RFX4: variants seen among roughly 807,000 people sequenced by gnomAD.
RFX4 encodes transcription factor RFX4.
Under a neutral mutation model 95.0 loss-of-function variants are expected in RFX4, and 10 were observed. The ratio of observed to expected loss-of-function variants is 0.11; its 90% CI spans 0.06 to 0.18. RFX4 has a LOEUF of 0.18. RFX4 is among the 10% of genes least tolerant of loss of function. RFX4 has a pLI of 1.00. For missense variants in RFX4, 640 were observed against 922.0 expected (o/e 0.69, Z 3.96); for synonymous variants, 321 against 340.7 (o/e 0.94, Z 0.64).
intron 15 of RFX4, among the ~76,000 whole-genome samples, chr12:106,737,397 G>T (rs2042731398): frequency 6.6e-6 from 1 of 151,814 alleles, no homozygotes; most frequent in Admixed American, 6.6e-5. Flanking sequence ...AGAGGTTAAG[G>T]TTCTTGATGA....
intron 2 of RFX4, among the ~76,000 whole-genome samples, chr12:106,634,171 C>T (rs1040303767): frequency 6.6e-5 from 10 of 152,198 alleles, no homozygotes; most frequent in African/African-American, 1.9e-4. Flanking sequence ...AAAAGATGAA[C>T]ATGCATTACT....
chr12:106,645,868 G>T (rs1483076462), intron 3 of RFX4: 1 of 1,284,284 alleles, frequency 7.8e-7, no homozygotes, highest in Non-Finnish European at 1.0e-6. Context: ...AACACAACCA[G>T]TGTTGATAGA....
intron 2 of RFX4, among the ~76,000 whole-genome samples, chr12:106,621,544 T>A (rs1249609164): frequency 6.6e-6 from 1 of 152,244 alleles, no homozygotes; most frequent in South Asian, 2.1e-4. Context: ...CAATTAATGA[T>A]TGGCTCTTTA....
At chr12:106,698,495 G>T (rs1460401711) in intron 8 of RFX4, among the ~76,000 whole-genome samples, 5 of 152,168 alleles carry the variant, frequency 3.3e-5, no homozygotes, top group African/African-American at 1.2e-4. Context: ...AGCCTAGTCT[G>T]GTGGTCATAA....
intron 17 of RFX4, among the ~76,000 whole-genome samples, chr12:106,753,752 G>C (rs1593020565): frequency 6.6e-6 from 1 of 152,216 alleles, no homozygotes; most frequent in African/African-American, 2.4e-5. Context: ...TCAGATGCAG[G>C]CATTCACTAA....
At chr12:106,611,847 GT>G (rs1301613812) in intron 2 of RFX4, among the ~76,000 whole-genome samples, 1 of 152,110 alleles carries the variant, frequency 6.6e-6, no homozygotes, top group Non-Finnish European at 1.5e-5. Flanking sequence ...TGGTATCCAG[GT>G]TCCCCAGCAC....
At chr12:106,634,931 C>CA (rs1418088304) in intron 2 of RFX4, among the ~76,000 whole-genome samples, 5 of 152,210 alleles carry the variant, frequency 3.3e-5, no homozygotes, top group African/African-American at 1.2e-4. Flanking sequence ...TCTCTTTTCC[C>CA]AACCAAACTC....
intron 2 of RFX4, among the ~76,000 whole-genome samples, chr12:106,635,485 G>A (rs549228604): frequency 9.2e-5 from 14 of 152,024 alleles, no homozygotes; most frequent in Admixed American, 7.9e-4. Context: ...GCTAATTTTT[G>A]TATTTTTAGT....
chr12:106,642,128 A>G (rs982082721), intron 3 of RFX4, among the ~76,000 whole-genome samples: 1 of 151,920 alleles, frequency 6.6e-6, no homozygotes, highest in Non-Finnish European at 1.5e-5. Flanking sequence ...CTCCTGCTTC[A>G]GCCTGCCGAG....
chr12:106,586,115 C>A lies in RFX4; in HGVS notation c.43+2752C>A, dbSNP rs2039453017. 1 of 152,232 alleles carries A rather than the reference C, an allele frequency of 6.6e-6. No homozygotes were observed. The highest frequency in any genetic ancestry group is 2.4e-5 in the African/African-American group (1 of 41,454). The allele number at this position is 152,232 out of a possible 1,614,324, so 9.4% of individuals were successfully genotyped here. A position where few individuals can be genotyped will look rare whatever the true frequency, so the allele number is the denominator to read the frequency against. On this transcript the variant is annotated intron_variant, in intron 1 of 17. Transcript: ENST00000392842. This position sits in a 1 kb window ranked among gnomAD's most constrained non-coding sequence, Gnocchi z 5.6. ...CGCTGCCGAGCCCGACAAAGCAAAGCCCCTCTCGGAGGCAAAGCCCCAGCT... is the reference window on the plus strand; with the variant it reads ...CGCTGCCGAGCCCGACAAAGCAAAGACCCTCTCGGAGGCAAAGCCCCAGCT...
intron 15 of RFX4, among the ~76,000 whole-genome samples, chr12:106,746,975 A>G (rs1377317373): frequency 1.3e-5 from 2 of 152,134 alleles, no homozygotes; most frequent in Non-Finnish European, 2.9e-5. Flanking sequence ...GGTGGCCAAA[A>G]TAGGCCAGGC....
chr12:106,644,230 C>CTT (rs756140160), intron 3 of RFX4, among the ~76,000 whole-genome samples: 200 of 128,372 alleles, frequency 1.6e-3, no homozygotes, highest in Non-Finnish European at 2.0e-3. Flanking sequence ...GCCATTTCCC[C>CTT]TTTTTTTTTT....
intron 2 of RFX4, among the ~76,000 whole-genome samples, chr12:106,617,555 T>G (rs2040098152): frequency 6.6e-6 from 1 of 152,214 alleles, no homozygotes. Context: ...ATTGTCTTTC[T>G]GTTGTTGATT....
intron 10 of RFX4, chr12:106,715,170 CA>C: frequency 2.1e-6 from 1 of 479,122 alleles, no homozygotes. Flanking sequence ...CCCACCCTCG[CA>C]GTTTCTTGTA....
intron 2 of RFX4, among the ~76,000 whole-genome samples, chr12:106,612,556 G>A (rs777473231): frequency 1.3e-4 from 20 of 152,030 alleles, no homozygotes; most frequent in Non-Finnish European, 2.5e-4. Context: ...AGATCATTTC[G>A]GCCAGGTGTA....
intron 2 of RFX4, among the ~76,000 whole-genome samples, chr12:106,638,867 C>G (rs2040563748): frequency 6.6e-6 from 1 of 152,182 alleles, no homozygotes; most frequent in Admixed American, 6.5e-5. Context: ...AGACTCATGA[C>G]TGATCACTTC....
intron 7 of RFX4, among the ~76,000 whole-genome samples, chr12:106,692,559 A>G (rs2041804996): frequency 6.6e-6 from 1 of 152,228 alleles, no homozygotes; most frequent in Non-Finnish European, 1.5e-5. Flanking sequence ...GGAAAAAGAA[A>G]TAGAAAATTT....
intron 8 of RFX4, among the ~76,000 whole-genome samples, chr12:106,708,920 G>C (rs1795920686): frequency 6.6e-6 from 1 of 152,190 alleles, no homozygotes; most frequent in South Asian, 2.1e-4. Flanking sequence ...AGTTTGGTAA[G>C]CTGGGTGGGC....
chr12:106,682,795 G>A (rs1179296965), intron 5 of RFX4: 7 of 152,252 alleles, frequency 4.6e-5, no homozygotes, highest in Admixed American at 4.6e-4. Flanking sequence ...TTGTCTGCTA[G>A]GTGTGAGTCA....
Sources: gnomAD v4.1 joint callset for allele counts (sites outside exome capture counted in the v4.1 genomes callset) on GRCh38, gnomAD v4.1.1 for gene constraint, Gnocchi (gnomAD v3.1) non-coding constraint, MANE v1.5 for transcripts, NCBI Gene and HGNC (gene_info 2026-07-23, HGNC 2026-07-21) for gene names.